The following CYLD variants were observed in gnomAD, a reference collection of about 807,000 sequenced individuals.
CYLD encodes the protein CYLD lysine 63 deubiquitinase, also known as ubiquitin carboxyl-terminal hydrolase CYLD.
CYLD carries 26 observed loss-of-function variants against 104.5 expected under a neutral mutation model. The observed-to-expected ratio is 0.25, with a 90% CI of 0.18 to 0.35. The LOEUF is 0.35. Among genes scored for constraint, CYLD ranks in the 10% least tolerant of loss-of-function variants. The pLI is 1.00. For synonymous variants in CYLD, 385 were observed against 399.9 expected (o/e 0.96, Z 0.45); for missense variants, 703 against 1,136.1 (o/e 0.62, Z 5.48).
intron 11 of CYLD, chr16:50,784,126 A>T: frequency 1.9e-6 from 1 of 533,538 alleles, no homozygotes; most frequent in Non-Finnish European, 3.4e-6. Flanking sequence ...TGTTGTCCTT[A>T]ACATGGAAGG....
chr16:50,775,732 C>T (rs922773465), intron 6 of CYLD, among the ~76,000 whole-genome samples: 1 of 152,152 alleles, frequency 6.6e-6, no homozygotes, highest in Non-Finnish European at 1.5e-5. Flanking sequence ...TGGTTCCGTG[C>T]AGTAAAGAAA....
In CYLD at chr16:50,791,631, C is replaced by T; in HGVS notation, c.2182C>T (p.Pro728Ser). The change falls in exon 15 of 19, where the codon CCC becomes TCC. Residue 728 changes from proline (P) to serine (S), a missense_variant. By Grantham distance (74) the Pro-to-Ser change is moderately conservative. Around this residue, in one of 5 missense-constraint regions of CYLD, gnomAD observed 125 missense variants for 325.4 expected, o/e 0.38. Coordinates refer to ENST00000427738, the MANE Select transcript of CYLD (RefSeq NM_001378743.1). ...GGAAAAAAATGAGAAAGTTGGCGTTCCCACAATTCAGCAGTTGTTAGAATG... is the reference window on the plus strand; with the variant it reads ...GGAAAAAAATGAGAAAGTTGGCGTTTCCACAATTCAGCAGTTGTTAGAATG... ...FMEKNEKVGV[P>S]TIQQLLEWSF... 1 of 1,613,838 alleles carries T rather than the reference C, an allele frequency of 6.2e-7. No homozygotes were observed. Among genetic ancestry groups the T allele is most frequent in the South Asian group, 1.1e-5 (1 of 91,072 alleles).
In CYLD at chr16:50,749,710, C is replaced by T. The variant is rs1378089565; in HGVS notation, c.12C>T (p.Gly4=). The T allele has an allele frequency of 2.5e-6, 4 of 1,613,614 alleles. No individual in the cohort carries two copies. The highest frequency in any genetic ancestry group is 1.7e-6 in the Non-Finnish European group (2 of 1,179,986). The change falls in exon 3 of 19, where the codon GGC becomes GGT. Residue 4 remains glycine (G), a synonymous_variant. Transcript: ENST00000427738. ...AAGTTAATATCACAATGAGTTCAGG[C>T]TTATGGAGCCAAGAAAAAGTCACTT... MSS[G]LWSQEKVTSP... is the part of the protein sequence containing the mutation.
intron 16 of CYLD, 25 bp downstream of exon 16, chr16:50,792,730 G>T: frequency 8.4e-7 from 1 of 1,194,816 alleles, no homozygotes. Context: ...TTTTTAGTTT[G>T]TTTTGTTGGT....
At position 50,792,037 on chromosome 16, in the gene CYLD, TC is replaced by T. The variant is rs35072258; in HGVS notation, c.2241+353del. Among the ~76,000 whole-genome samples the T allele has an allele frequency of 3.8e-4, 58 of 152,292 alleles. 1 individual carries two copies. The highest frequency in any genetic ancestry group is 2.5e-3 in the South Asian group (12 of 4,828). On this transcript the variant is annotated intron_variant, in intron 15 of 18. Coordinates refer to ENST00000427738, the MANE Select transcript of CYLD (RefSeq NM_001378743.1). ...AATACATCAAAATATAATGTTTACTTCCCCCCTTCATTAAGAGACAAAATGT... is the reference window on the plus strand; with the variant it reads ...AATACATCAAAATATAATGTTTACTTCCCCCTTCATTAAGAGACAAAATGT...
intron 5 of CYLD, among the ~76,000 whole-genome samples, chr16:50,760,092 C>A (rs752881371): frequency 6.6e-6 from 1 of 152,206 alleles, no homozygotes; most frequent in Non-Finnish European, 1.5e-5. Context: ...CCTCTCTATT[C>A]ACGTACTTAT....
chr16:50,755,125 A>ATATATACACACATATACACATGTGTG (rs1967001475), intron 5 of CYLD, among the ~76,000 whole-genome samples: 1 of 44,590 alleles, frequency 2.2e-5, no homozygotes, highest in South Asian at 5.7e-4. Context: ...ACACATGTGT[A>ATATATACACACATATACACATGTGTG]TATATACACA....
chr16:50,776,837 T>G (rs1969736134), intron 7 of CYLD, among the ~76,000 whole-genome samples: 1 of 152,228 alleles, frequency 6.6e-6, no homozygotes, highest in African/African-American at 2.4e-5. Context: ...TGAGAATTTT[T>G]GTTAACTCAG....
At chr16:50,784,240 A>G in intron 11 of CYLD, 89 bp from the exon 12 acceptor site, 1 of 1,387,058 alleles carries the variant, frequency 7.2e-7, no homozygotes, top group East Asian at 2.3e-5. Flanking sequence ...TCCAGACTTT[A>G]CTTATTTTCC....
chr16:50,757,694 G>A (rs1409826046), intron 5 of CYLD, among the ~76,000 whole-genome samples: 5 of 151,872 alleles, frequency 3.3e-5, no homozygotes, highest in African/African-American at 4.8e-5. Context: ...CCGCCACCAC[G>A]CCCGGCTAAT....
chr16:50,749,651 A>G lies in CYLD; in HGVS notation c.-48A>G, dbSNP rs757415926. The G allele has an allele frequency of 1.3e-6, 2 of 1,589,822 alleles. No homozygotes were observed. Among genetic ancestry groups the G allele is most frequent in the Non-Finnish European group, 1.7e-6 (2 of 1,163,042 alleles). On this transcript the variant is annotated 5_prime_UTR_variant, in exon 3 of 19. Coordinates refer to ENST00000427738, the MANE Select transcript of CYLD (RefSeq NM_001378743.1). ...TCTTTTGCGGTTTTATGACAAAGTTATTAGTAGTTTCCCTTTTTTGAATTA... is the reference window on the plus strand; with the variant it reads ...TCTTTTGCGGTTTTATGACAAAGTTGTTAGTAGTTTCCCTTTTTTGAATTA...
chr16:50,754,364 C>A lies in CYLD; in HGVS notation c.853C>A (p.Leu285Ile). ...NWDGRFDGVQ[L>I]CSFACVESTI... Reference sequence around the variant, plus strand: ...GGATGGAAGATTTGATGGAGTGCAGCTTTGTAGTTTTGCGTGTGTTGAAAG... The same window carrying A: ...GGATGGAAGATTTGATGGAGTGCAGATTTGTAGTTTTGCGTGTGTTGAAAG... Residue 285 changes from leucine (L) to isoleucine (I), a missense_variant, in exon 5 of 19, where the codon CTT (leucine) becomes ATT (isoleucine). Coordinates refer to ENST00000427738, the MANE Select transcript of CYLD (RefSeq NM_001378743.1). 6.2e-7 allele frequency: 1 copy of A among 1,613,544 alleles called. No individual in the cohort carries two copies. Among genetic ancestry groups the A allele is most frequent in the Non-Finnish European group, 8.5e-7 (1 of 1,179,656 alleles).
rs1234855355 is a variant in CYLD at position 50,800,705 on chromosome 16, A to C, written c.*4197A>C. 1 of 232,720 alleles carries C rather than the reference A, an allele frequency of 4.3e-6. No individual in the cohort carries two copies. The highest frequency in any genetic ancestry group is 8.5e-6 in the Non-Finnish European group (1 of 117,798). The allele number at this position is 232,720 out of a possible 1,614,324, so 14.4% of individuals were successfully genotyped here. On this transcript the variant is annotated 3_prime_UTR_variant, in exon 19 of 19. Coordinates refer to ENST00000427738, the MANE Select transcript of CYLD (RefSeq NM_001378743.1). ...TGCTACTTTATAATGAAAATTTAAA[A>C]ATTATATGGGAAGATTTTTCTCTGG... is the stretch of plus-strand genomic sequence containing the variant.
chr16:50,755,897 C>G (rs1013096716), intron 5 of CYLD, among the ~76,000 whole-genome samples: 6 of 152,086 alleles, frequency 3.9e-5, no homozygotes, highest in Non-Finnish European at 7.4e-5. Flanking sequence ...ATTTTTGTTG[C>G]ATTTGCTTTC....
rs1413237839 is a variant in CYLD, at chr16:50,791,668, A to G, written c.2219A>G (p.Asn740Ser). The G allele has an allele frequency of 6.2e-7, 1 of 1,613,786 alleles. No homozygotes were observed. The highest frequency in any genetic ancestry group is 1.3e-5 in the African/African-American group (1 of 74,926). ...CAGTTGTTAGAATGGTCTTTTATCA[A>G]CAGTAACCTGAAATTTGCAGAGGTT... ...IQQLLEWSFI[N>S]SNLKFAEAPS... Residue 740 changes from asparagine to serine, a missense_variant, in exon 15 of 19, where the codon AAC becomes AGC. Asn to Ser is a conservative substitution (Grantham distance 46). Around this residue, in one of 5 missense-constraint regions of CYLD, gnomAD observed 125 missense variants for 325.4 expected, o/e 0.38. Coordinates refer to ENST00000427738, the MANE Select transcript of CYLD (RefSeq NM_001378743.1).
chr16:50,758,120 C>T (rs1555505900), intron 5 of CYLD, among the ~76,000 whole-genome samples: 3 of 152,074 alleles, frequency 2.0e-5, no homozygotes, highest in Non-Finnish European at 4.4e-5. Context: ...ATGATAAACA[C>T]AGTGAGGAGG....
rs891227001 is a variant in CYLD, at chr16:50,796,665, T to C, written c.*157T>C. 1 of 742,770 alleles carries C rather than the reference T, an allele frequency of 1.3e-6. No individual in the cohort carries two copies. The highest frequency in any genetic ancestry group is 1.7e-5 in the African/African-American group (1 of 57,932). The allele number at this position is 742,770 out of a possible 1,614,324, so 46.0% of individuals were successfully genotyped here. A position where few individuals can be genotyped will look rare whatever the true frequency, so the allele number is the denominator to read the frequency against. ...TGCCTCTGTTTAAAAACAAATTGCTTTTGTGTCCCTGAAGTATTTAATAAG... is the reference window on the plus strand; with the variant it reads ...TGCCTCTGTTTAAAAACAAATTGCTCTTGTGTCCCTGAAGTATTTAATAAG... On this transcript the variant is annotated 3_prime_UTR_variant, in exon 19 of 19. Coordinates refer to ENST00000427738, the MANE Select transcript of CYLD (RefSeq NM_001378743.1).
intron 2 of CYLD, among the ~76,000 whole-genome samples, chr16:50,744,309 T>G (rs1219553249): frequency 6.6e-6 from 1 of 152,204 alleles, no homozygotes; most frequent in African/African-American, 2.4e-5. Context: ...CCACGGAATC[T>G]CTGTATCTCT....
chr16:50,775,300 C>T, intron 6 of CYLD, 126 bp downstream of exon 6: 1 of 744,420 alleles, frequency 1.3e-6, no homozygotes, highest in Non-Finnish European at 2.2e-6. Flanking sequence ...ATGATCATTG[C>T]TGGGCTTTAA....
Sources: allele counts gnomAD v4.1 joint callset (sites outside exome capture counted in the v4.1 genomes callset), GRCh38; gene constraint gnomAD v4.1.1; regional missense constraint gnomAD v4.1.1; transcripts MANE v1.5; gene names NCBI Gene and HGNC (gene_info 2026-07-23, HGNC 2026-07-21).